MAP4: variants seen among roughly 807,000 people sequenced by gnomAD.
MAP4 encodes microtubule associated protein 4.
A neutral mutation model predicts 170.2 loss-of-function variants in MAP4; 76 were observed. The observed-to-expected ratio is 0.45, with a 90% CI of 0.37 to 0.54. The LOEUF (loss-of-function observed/expected upper bound fraction) is 0.54, where lower values mean the gene tolerates loss of function less well. MAP4 is among the 20% of genes least tolerant of loss of function. The pLI is 0.00. For synonymous variants in MAP4, 909 were observed against 994.5 expected (o/e 0.91, Z 1.62); for missense variants, 2,506 against 2,748.0 (o/e 0.91, Z 1.97).
intron 2 of MAP4, among the ~76,000 whole-genome samples, chr3:47,978,171 A>G (rs979023009): frequency 1.3e-5 from 2 of 152,226 alleles, no homozygotes; most frequent in African/African-American, 4.8e-5. Context: ...AGAGCCCCTC[A>G]TAATAGCAAG....
Position 47,916,113 on chromosome 3 carries a change from G to T in MAP4, c.1714C>A (p.Pro572Thr), listed in dbSNP as rs775872877. 2 of 1,614,198 alleles carry T rather than the reference G, an allele frequency of 1.2e-6. No homozygotes were observed. The highest frequency in any genetic ancestry group is 2.2e-5 in the South Asian group (2 of 91,080). ...GVLTLANNVT[P>T]AKDVPPLSET... ...GAGAGTGGTGGAACATCTTTGGCTG[G>T]AGTCACATTGTTGGCCAGGGTCAGA... Residue 572 changes from proline (P) to threonine (T), a missense_variant, in exon 7 of 21, where the codon CCA (proline) becomes ACA (threonine). This residue lies in a region of MAP4 where 2,008 missense variants were observed against 2,206.0 expected (regional missense o/e 0.91). Transcript: ENST00000683076.
intron 3 of MAP4, among the ~76,000 whole-genome samples, chr3:47,937,656 CTTTTTTTTT>C (rs71070243): frequency 1.1e-4 from 12 of 107,920 alleles, no homozygotes; most frequent in African/African-American, 2.6e-4. Flanking sequence ...TTTTCTTCTT[CTTTTTTTTT>C]TTTTTTTTTT....
Position 47,915,955 on chromosome 3 carries a change from TG to T in MAP4, c.1871del (p.Ser624TyrfsTer22). ...GQSAAPTFMI[S>X]PETVTGTGKK... is the part of the protein sequence containing the mutation. ...AGAATAAGCACAAGCACGTACCTGG[TG>T]AAATCATGAAAGTAGGTGCAGCTGA... On this transcript the variant is annotated frameshift_variant, in exon 7 of 21. Transcript: ENST00000683076. LOFTEE classifies it high-confidence loss of function. 1 of 1,608,948 alleles carries T rather than the reference TG, an allele frequency of 6.2e-7. No homozygotes were observed. The highest frequency in any genetic ancestry group is 1.1e-5 in the South Asian group (1 of 89,858).
Position 47,871,936 on chromosome 3 carries a change from G to C in MAP4, c.5922C>G (p.Leu1974=). The part of the protein sequence containing the change: ...TGPSSRSPST[L]LPKKPTAIKT... Reference sequence around the variant, plus strand: ...ACTCACCAGTGGGCTTCTTGGGCAGGAGCGTGGAGGGGCTCCTACTGCTTG... The same window carrying C: ...ACTCACCAGTGGGCTTCTTGGGCAGCAGCGTGGAGGGGCTCCTACTGCTTG... Residue 1974 remains leucine (L), a synonymous_variant, in exon 13 of 21, where the codon CTC becomes CTG. Transcript: ENST00000683076. The C allele has an allele frequency of 1.2e-6, 2 of 1,612,402 alleles. No individual in the cohort carries two copies. The highest frequency in any genetic ancestry group is 1.7e-6 in the Non-Finnish European group (2 of 1,178,804).
intron 10 of MAP4, chr3:47,891,876 T>C (rs1410496042): frequency 4.6e-6 from 7 of 1,535,984 alleles, no homozygotes; most frequent in Non-Finnish European, 6.1e-6. Flanking sequence ...CTATTCTCCA[T>C]CTCTCCCGGA....
intron 5 of MAP4, among the ~76,000 whole-genome samples, chr3:47,921,390 T>C (rs1201684897): frequency 6.6e-6 from 1 of 152,096 alleles, no homozygotes; most frequent in East Asian, 1.9e-4. Context: ...AGGCTATTAT[T>C]AGCCTGGAGA....
intron 1 of MAP4, among the ~76,000 whole-genome samples, chr3:48,087,898 G>A (rs2100150159): frequency 6.6e-6 from 1 of 152,106 alleles, no homozygotes; most frequent in Admixed American, 6.6e-5. Context: ...TAGAAAGCTG[G>A]GTAACACTAA....
chr3:47,871,914 C>T lies in MAP4; in HGVS notation c.5941+3G>A, dbSNP rs530788545. 5 of 1,606,862 alleles carry T rather than the reference C, an allele frequency of 3.1e-6. No individual in the cohort carries two copies. Among genetic ancestry groups the T allele is most frequent in the Non-Finnish European group, 4.3e-6 (5 of 1,174,818 alleles). ...TCCCATGGGAGAGAAAGGCAATACT[C>T]ACCAGTGGGCTTCTTGGGCAGGAGC... On this transcript the variant is annotated splice_donor_region_variant and intron_variant, in intron 13 of 20. Transcript: ENST00000683076.
Position 47,853,304 on chromosome 3 carries a change from C to T in MAP4, c.6745G>A (p.Gly2249Arg). Residue 2249 changes from glycine to arginine, a missense_variant, in exon 20 of 21, where the codon GGG (glycine) becomes AGG (arginine). Gly to Arg is a moderately radical substitution (Grantham distance 125). Around this residue, in one of 3 missense-constraint regions of MAP4, gnomAD observed 487 missense variants for 511.6 expected, o/e 0.95. Coordinates refer to ENST00000683076, the MANE Select transcript of MAP4 (RefSeq NM_001385682.1). ...EAPLCPGPPA[G>R]EEPAISEAAP... The stretch of plus-strand genomic sequence containing the variant: ...GCCTCAGAGATGGCCGGCTCCTCCC[C>T]AGCAGGGGGACCCGGACACAGAGGA... The T allele has an allele frequency of 6.2e-7, 1 of 1,611,244 alleles. No individual in the cohort carries two copies. The highest frequency in any genetic ancestry group is 1.7e-5 in the Admixed American group (1 of 59,794).
At chr3:48,009,273 G>C (rs923173378) in intron 1 of MAP4, among the ~76,000 whole-genome samples, 2 of 152,088 alleles carry the variant, frequency 1.3e-5, no homozygotes, top group South Asian at 4.1e-4. Flanking sequence ...GCTAATTTTT[G>C]TATTTTCAGT....
At chr3:47,863,594 A>G (rs955034991) in intron 17 of MAP4, among the ~76,000 whole-genome samples, 24 of 151,998 alleles carry the variant, frequency 1.6e-4, no homozygotes, top group African/African-American at 5.8e-4. Flanking sequence ...CTGCCGCTCT[A>G]TGAGAGCCTG....
chr3:47,988,106 A>G (rs2100089925), intron 2 of MAP4, among the ~76,000 whole-genome samples: 1 of 151,878 alleles, frequency 6.6e-6, no homozygotes, highest in African/African-American at 2.4e-5. Flanking sequence ...AGGCAGGAGA[A>G]TGGCGTGAAC....
chr3:48,045,110 TAGTC>T (rs907494414), intron 1 of MAP4, among the ~76,000 whole-genome samples: 5 of 150,518 alleles, frequency 3.3e-5, no homozygotes, highest in Middle Eastern at 3.4e-3. Flanking sequence ...TACAAAAAAT[TAGTC>T]AGGCATGGTG....
At chr3:47,919,601 C>T (rs151338620) in intron 5 of MAP4, among the ~76,000 whole-genome samples, 1,625 of 152,330 alleles carry the variant, frequency 0.011, 22 homozygotes, top group Admixed American at 0.021. Context: ...AGACACCGCG[C>T]CCGGCCGACA....
At chr3:48,036,046 T>C (rs953782467) in intron 1 of MAP4, among the ~76,000 whole-genome samples, 4 of 152,286 alleles carry the variant, frequency 2.6e-5, no homozygotes, top group Admixed American at 2.6e-4. Flanking sequence ...CTCTAGGACA[T>C]AGATAACCCC....
At chr3:47,989,385 T>C (rs1415730604) in intron 2 of MAP4, among the ~76,000 whole-genome samples, 1 of 152,224 alleles carries the variant, frequency 6.6e-6, no homozygotes, top group Non-Finnish European at 1.5e-5. Flanking sequence ...ACCTGGGAAG[T>C]GGGACTAAAT....
At chr3:47,896,656 C>G (rs1423578783) in intron 10 of MAP4, among the ~76,000 whole-genome samples, 1 of 152,014 alleles carries the variant, frequency 6.6e-6, no homozygotes, top group Non-Finnish European at 1.5e-5. Context: ...AGTGAGAAAG[C>G]CTAAGTCCCT....
chr3:47,987,935 C>T (rs931857473), intron 2 of MAP4, among the ~76,000 whole-genome samples: 21 of 152,170 alleles, frequency 1.4e-4, no homozygotes, highest in Non-Finnish European at 2.6e-4. Flanking sequence ...TGGCTCACGC[C>T]TGTAATCCCA....
chr3:47,991,968 G>A (rs1267790677), intron 2 of MAP4, among the ~76,000 whole-genome samples: 2 of 151,314 alleles, frequency 1.3e-5, no homozygotes, highest in East Asian at 3.9e-4. Flanking sequence ...ACCGCGCCCA[G>A]TAAGACCCTG....
Sources: gnomAD v4.1 joint callset for allele counts (sites outside exome capture counted in the v4.1 genomes callset) on GRCh38, gnomAD v4.1.1 for gene constraint, gnomAD v4.1.1 regional missense constraint, MANE v1.5 for transcripts, NCBI Gene and HGNC (gene_info 2026-07-23, HGNC 2026-07-21) for gene names.